MICU1: variants seen among roughly 807,000 people sequenced by gnomAD.
The protein encoded by MICU1 is mitochondrial calcium uptake 1.
In MICU1, 45 loss-of-function variants were observed where a neutral mutation model predicts 56.8. The ratio of observed to expected loss-of-function variants is 0.79; its 90% confidence interval spans 0.62 to 1.02. The LOEUF (loss-of-function observed/expected upper bound fraction) is 1.02, where lower values mean the gene tolerates loss of function less well. Among genes scored for constraint, MICU1 ranks in the 50% least tolerant of loss-of-function variants. The pLI is 0.00. For missense variants in MICU1, 504 were observed against 587.1 expected (o/e 0.86, Z 1.46); for synonymous variants, 186 against 195.1 (o/e 0.95, Z 0.39).
intron 8 of MICU1, among the ~76,000 whole-genome samples, chr10:72,441,990 G>C (rs893328882): frequency 5.9e-5 from 9 of 152,056 alleles, no homozygotes; most frequent in South Asian, 2.1e-4. Flanking sequence ...ATTTGTAAAA[G>C]CAGAAAACTC....
chr10:72,436,007 C>T (rs1864703827), intron 8 of MICU1, among the ~76,000 whole-genome samples: 1 of 152,236 alleles, frequency 6.6e-6, no homozygotes, highest in Admixed American at 6.5e-5. Flanking sequence ...ACTTAAACGT[C>T]CCCGTCTGAC....
intron 1 of MICU1, among the ~76,000 whole-genome samples, chr10:72,620,311 A>G (rs1229964261): frequency 6.6e-6 from 1 of 152,094 alleles, no homozygotes; most frequent in Non-Finnish European, 1.5e-5. Context: ...CAGCCTCCCA[A>G]GCAGCTGGGA....
At position 72,412,896 on chromosome 10, in the gene MICU1, A is replaced by G. The variant is rs117896149; in HGVS notation, c.1072-4859T>C. Among the ~76,000 whole-genome samples, 104 of 148,042 alleles carry G rather than the reference A, an allele frequency of 7.0e-4. 2 individuals carry two copies. In the East Asian group the frequency reaches 0.019, roughly 27 times the overall value. On this transcript the variant is annotated intron_variant, in intron 9 of 11. Coordinates refer to ENST00000361114, the MANE Select transcript of MICU1 (RefSeq NM_001195518.2). ...AGCAGTGGATAAAACTTTTAGAAGA[A>G]AACACAGGAGAGGCTGAGCACAGTG...
At chr10:72,597,423 G>A (rs1841409874) in intron 1 of MICU1, among the ~76,000 whole-genome samples, 1 of 152,130 alleles carries the variant, frequency 6.6e-6, no homozygotes, top group Non-Finnish European at 1.5e-5. Flanking sequence ...AGAGACTTAA[G>A]ACATTCTTGG....
At chr10:72,550,302 T>A (rs1840002946) in intron 4 of MICU1, among the ~76,000 whole-genome samples, 1 of 152,198 alleles carries the variant, frequency 6.6e-6, no homozygotes, top group Admixed American at 6.5e-5. Flanking sequence ...TACAGTAACA[T>A]GCCATACAGG....
chr10:72,480,279 T>C (rs760291212), intron 6 of MICU1, among the ~76,000 whole-genome samples: 17 of 152,222 alleles, frequency 1.1e-4, no homozygotes, highest in Non-Finnish European at 2.4e-4. Context: ...ACTGTGTAGC[T>C]TGCATGGCAT....
At chr10:72,467,573 TC>T (rs1185011265) in intron 8 of MICU1, among the ~76,000 whole-genome samples, 1 of 151,692 alleles carries the variant, frequency 6.6e-6, no homozygotes, top group Non-Finnish European at 1.5e-5. Flanking sequence ...GCCTGCCTCA[TC>T]CTCCCAAAGT....
chr10:72,427,214 C>T (rs1864373174), intron 8 of MICU1, among the ~76,000 whole-genome samples: 1 of 152,136 alleles, frequency 6.6e-6, no homozygotes, highest in Non-Finnish European at 1.5e-5. Context: ...CCCTGTTGTT[C>T]CCCAGGGGGC....
chr10:72,537,489 C>T (rs1304023706), intron 4 of MICU1, among the ~76,000 whole-genome samples: 1 of 152,186 alleles, frequency 6.6e-6, no homozygotes, highest in Non-Finnish European at 1.5e-5. Context: ...AGCTTAGAAA[C>T]ACCAGACTAT....
At chr10:72,505,805 T>C (rs1046070037) in intron 6 of MICU1, among the ~76,000 whole-genome samples, 1 of 152,246 alleles carries the variant, frequency 6.6e-6, no homozygotes, top group Non-Finnish European at 1.5e-5. Context: ...CACTAGGGAC[T>C]ACTACAGAGG....
intron 10 of MICU1, among the ~76,000 whole-genome samples, chr10:72,388,508 G>T (rs764369838): frequency 1.4e-4 from 22 of 152,170 alleles, no homozygotes; most frequent in Non-Finnish European, 2.4e-4. Context: ...GTCTGTTATT[G>T]TAAGGTAAGG....
At chr10:72,402,204 G>A (rs1026146209) in intron 10 of MICU1, among the ~76,000 whole-genome samples, 1 of 151,942 alleles carries the variant, frequency 6.6e-6, no homozygotes, top group Non-Finnish European at 1.5e-5. Flanking sequence ...AACAGCCTGA[G>A]GTATGTGAGG....
At chr10:72,551,506 C>T (rs1218643025) in intron 3 of MICU1, among the ~76,000 whole-genome samples, 165 bp from the exon 4 acceptor site, 2 of 152,022 alleles carry the variant, frequency 1.3e-5, no homozygotes, top group Non-Finnish European at 2.9e-5. Context: ...CAAATGAATA[C>T]CAAAAATTGT....
chr10:72,536,289 A>G (rs1454238226), intron 4 of MICU1, among the ~76,000 whole-genome samples: 2 of 152,144 alleles, frequency 1.3e-5, no homozygotes, highest in African/African-American at 4.8e-5. Context: ...TCAAAACAGC[A>G]CTATGTACCC....
intron 10 of MICU1, among the ~76,000 whole-genome samples, chr10:72,387,877 A>AGCC (rs1240466970): frequency 1.3e-5 from 2 of 152,114 alleles, no homozygotes; most frequent in Non-Finnish European, 2.9e-5. Flanking sequence ...GGCAGAAGAA[A>AGCC]GCCAGCACCT....
intron 9 of MICU1, among the ~76,000 whole-genome samples, chr10:72,417,818 C>G (rs901968423): frequency 6.6e-6 from 1 of 152,206 alleles, no homozygotes; most frequent in African/African-American, 2.4e-5. Flanking sequence ...AGCAGTGGCT[C>G]ATAAGCCTAG....
At chr10:72,456,242 G>A (rs1026286427) in intron 8 of MICU1, among the ~76,000 whole-genome samples, 1 of 152,198 alleles carries the variant, frequency 6.6e-6, no homozygotes, top group Non-Finnish European at 1.5e-5. Flanking sequence ...CAGCCCTCCT[G>A]AGGCTAATCC....
In MICU1 at chr10:72,536,164, CAAT is replaced by C. The variant is rs1347067418; in HGVS notation, c.494-2378_494-2376del. ...TTCTATAGCATTGTAGAGTTAACAA[CAAT>C]ATTTATACAGTTTCAAATATCTAGA... On this transcript the variant is annotated intron_variant, in intron 4 of 11. Coordinates refer to ENST00000361114, the MANE Select transcript of MICU1 (RefSeq NM_001195518.2). Among the ~76,000 whole-genome samples the C allele has an allele frequency of 2.0e-5, 3 of 151,848 alleles. No homozygotes were observed. In the East Asian group the frequency reaches 5.8e-4, roughly 29 times the overall value.
intron 6 of MICU1, among the ~76,000 whole-genome samples, chr10:72,491,874 T>C (rs913493754): frequency 4.6e-5 from 7 of 152,136 alleles, no homozygotes; most frequent in African/African-American, 1.7e-4. Context: ...CAGGCGTGAC[T>C]ACAAGATAGG....
Sources: allele counts gnomAD v4.1 joint callset (sites outside exome capture counted in the v4.1 genomes callset), GRCh38; gene constraint gnomAD v4.1.1; transcripts MANE v1.5; gene names NCBI Gene and HGNC (gene_info 2026-07-23, HGNC 2026-07-21).